The following USH2A variants were observed in gnomAD, a reference collection of about 807,000 sequenced individuals.
USH2A encodes the protein usherin, also known as Usher syndrome 2A (autosomal recessive, mild).
Under a neutral mutation model 538.9 loss-of-function variants are expected in USH2A, and 443 were observed. The observed-to-expected ratio is 0.82, with a 90% CI of 0.76 to 0.89. The LOEUF (loss-of-function observed/expected upper bound fraction) is 0.89, where lower values mean the gene tolerates loss of function less well. Among genes scored for constraint, USH2A ranks in the 40% least tolerant of loss-of-function variants. The pLI, the probability that USH2A is intolerant of heterozygous loss-of-function variation, is 0.00. For synonymous variants in USH2A, 2,413 were observed against 2,273.5 expected (o/e 1.06, Z -1.75); for missense variants, 6,633 against 6,324.8 (o/e 1.05, Z -1.65).
At chr1:215,670,846 ATAT>A (rs1657791237) in intron 64 of USH2A, 123 bp downstream of exon 64, 2 of 961,272 alleles carry the variant, frequency 2.1e-6, no homozygotes, top group Non-Finnish European at 1.6e-6. Context: ...TTTTTAAGGA[ATAT>A]TATTATTCTC....
intron 3 of USH2A, among the ~76,000 whole-genome samples, chr1:216,382,224 C>T (rs763604210): frequency 2.0e-5 from 3 of 151,914 alleles, no homozygotes; most frequent in Admixed American, 6.6e-5. Context: ...GAGTAAATTG[C>T]GATAATTTCA....
rs1411515972 is a variant in USH2A, at chr1:215,664,387, C to G, written c.14133+6585G>C. The stretch of plus-strand genomic sequence containing the variant: ...ATCTTGGTGATGAATAACCATATAT[C>G]CATTTATTATCTGAAGCTGATTTCA... On this transcript the variant is annotated intron_variant, in intron 64 of 71. Transcript: ENST00000307340. Among the ~76,000 whole-genome samples the G allele has an allele frequency of 5.9e-5, 9 of 152,124 alleles. 1 individual carries two copies. The highest frequency in any genetic ancestry group is 1.7e-4 in the African/African-American group (7 of 41,426).
intron 21 of USH2A, among the ~76,000 whole-genome samples, chr1:216,149,281 T>C (rs937353198): frequency 4.3e-4 from 66 of 152,148 alleles, no homozygotes; most frequent in African/African-American, 1.6e-3. Context: ...CCACGGTCAT[T>C]TCTTCCCTTC....
At chr1:215,959,416 G>A (rs546173362) in intron 37 of USH2A, among the ~76,000 whole-genome samples, 17 of 151,390 alleles carry the variant, frequency 1.1e-4, no homozygotes, top group East Asian at 5.9e-4. Flanking sequence ...TTTCTTTCCC[G>A]GTCCTTACCT....
rs373305523 is a variant in USH2A, at chr1:215,678,325, T to C, written c.12294+1824A>G. Among the ~76,000 whole-genome samples, 95 of 152,356 alleles carry C rather than the reference T, an allele frequency of 6.2e-4. 3 individuals carry two copies. The East Asian group carries it at 0.014, about 22-fold the overall frequency. ...TACAATGTTGGGACAATCTGTCTCC[T>C]ACCAGTCCCTCCAACCTCTTCTAGT... On this transcript the variant is annotated intron_variant, in intron 62 of 71. Transcript: ENST00000307340.
Position 215,900,237 on chromosome 1 carries a change from C to G in USH2A, c.7452-20G>C. ...AATAACCTGTATGGGAAATAAATGTCAATTAGGAAGTTTTCGACATTCAAA... is the reference window on the plus strand; with the variant it reads ...AATAACCTGTATGGGAAATAAATGTGAATTAGGAAGTTTTCGACATTCAAA... On this transcript the variant is annotated intron_variant, in intron 39 of 71. Coordinates refer to ENST00000307340, the MANE Select transcript of USH2A (RefSeq NM_206933.4). 1 of 1,612,618 alleles carries G rather than the reference C, an allele frequency of 6.2e-7. No individual in the cohort carries two copies. Among genetic ancestry groups the G allele is most frequent in the Non-Finnish European group, 8.5e-7 (1 of 1,179,420 alleles).
At chr1:216,240,134 G>A (rs897598111) in intron 13 of USH2A, among the ~76,000 whole-genome samples, 8 of 151,784 alleles carry the variant, frequency 5.3e-5, no homozygotes, top group Admixed American at 3.9e-4. Flanking sequence ...TTCAAGTTGT[G>A]TAACTCTAGA....
intron 21 of USH2A, among the ~76,000 whole-genome samples, chr1:216,097,721 C>T (rs550184041): frequency 4.6e-5 from 7 of 152,186 alleles, no homozygotes; most frequent in Non-Finnish European, 8.8e-5. Flanking sequence ...GGTTTGCAGC[C>T]TTCAGAATTT....
chr1:215,735,509 T>C (rs185424898), intron 60 of USH2A, among the ~76,000 whole-genome samples: 43 of 152,294 alleles, frequency 2.8e-4, no homozygotes, highest in Non-Finnish European at 4.7e-4. Flanking sequence ...TGATGATAGA[T>C]TTGCATCTGG....
intron 11 of USH2A, among the ~76,000 whole-genome samples, chr1:216,255,242 T>C (rs1431558569): frequency 6.6e-6 from 1 of 152,222 alleles, no homozygotes; most frequent in Non-Finnish European, 1.5e-5. Context: ...CCCCATGAGA[T>C]GCAGTTAGAA....
At position 215,735,462 on chromosome 1, in the gene USH2A, A is replaced by G. The variant is rs149183443; in HGVS notation, c.11711+5913T>C. Among the ~76,000 whole-genome samples the G allele has an allele frequency of 2.9e-3, 437 of 152,322 alleles. 2 individuals carry two copies. Among genetic ancestry groups the G allele is most frequent in the African/African-American group, 0.01 (427 of 41,578 alleles). ...GATTATTACAGAAAGTGATGGTGAT[A>G]TTCACACAAAGAAGGAAATAGGAAA... is the stretch of plus-strand genomic sequence containing the variant. On this transcript the variant is annotated intron_variant, in intron 60 of 71. Transcript: ENST00000307340.
At chr1:216,130,052 T>A (rs1024952961) in intron 21 of USH2A, among the ~76,000 whole-genome samples, 1 of 151,888 alleles carries the variant, frequency 6.6e-6, no homozygotes, top group Non-Finnish European at 1.5e-5. Context: ...TAAACAAAAA[T>A]CAAATTTAAA....
rs150161335 is a variant in USH2A, at chr1:215,640,385, G to C, written c.14968+173C>G. Among the ~76,000 whole-genome samples, 178 of 152,188 alleles carry C rather than the reference G, an allele frequency of 1.2e-3. 1 individual carries two copies. The highest frequency in any genetic ancestry group is 1.8e-3 in the Non-Finnish European group (125 of 68,020). On this transcript the variant is annotated intron_variant, in intron 68 of 71. Coordinates refer to ENST00000307340, the MANE Select transcript of USH2A (RefSeq NM_206933.4). ...CTGCAGTGCTGTCAAGCTGCAAATG[G>C]GAAGGAAAGAAAACCTTATTTATCC... is the stretch of plus-strand genomic sequence containing the variant.
At chr1:216,382,630 A>AGT (rs1457893290) in intron 3 of USH2A, among the ~76,000 whole-genome samples, 32 of 152,212 alleles carry the variant, frequency 2.1e-4, no homozygotes, top group Non-Finnish European at 2.5e-4. Flanking sequence ...ATAACTATGC[A>AGT]TATGAAAATA....
intron 15 of USH2A, among the ~76,000 whole-genome samples, chr1:216,213,819 T>A (rs2102491093): frequency 6.6e-6 from 1 of 152,194 alleles, no homozygotes; most frequent in African/African-American, 2.4e-5. Flanking sequence ...ATGAGAGGAC[T>A]ATTTGCAAGT....
rs140949403 is a variant in USH2A at position 215,643,581 on chromosome 1, A to G, written c.14792-2847T>C. Among the ~76,000 whole-genome samples, 468 of 151,148 alleles carry G rather than the reference A, an allele frequency of 3.1e-3. 3 individuals carry two copies. Among genetic ancestry groups the G allele is most frequent in the African/African-American group, 0.011 (453 of 41,106 alleles). The stretch of plus-strand genomic sequence containing the variant: ...TGCTCTGTTGCCAAGGTTGGAGTGC[A>G]GTGACATGATCACAGCTCACTGCAG... On this transcript the variant is annotated intron_variant, in intron 67 of 71. Transcript: ENST00000307340.
chr1:216,016,659 C>T (rs1668719081), intron 32 of USH2A, among the ~76,000 whole-genome samples: 1 of 152,078 alleles, frequency 6.6e-6, no homozygotes, highest in Admixed American at 6.6e-5. Flanking sequence ...GTGTTATAAG[C>T]GCTTTGAGAA....
intron 58 of USH2A, among the ~76,000 whole-genome samples, chr1:215,755,510 T>C (rs1225459336): frequency 6.6e-6 from 1 of 152,160 alleles, no homozygotes; most frequent in Admixed American, 6.5e-5. Flanking sequence ...TCCAATAAAA[T>C]CAACTGTAGA....
At chr1:216,201,651 G>T in intron 16 of USH2A, 1 of 179,504 alleles carries the variant, frequency 5.6e-6, no homozygotes, top group South Asian at 1.4e-4. Context: ...AGCACTCTGG[G>T]GTCCGACTGC....
Sources: allele counts gnomAD v4.1 joint callset (sites outside exome capture counted in the v4.1 genomes callset), GRCh38; gene constraint gnomAD v4.1.1; transcripts MANE v1.5; gene names NCBI Gene and HGNC (gene_info 2026-07-23, HGNC 2026-07-21).